Variants in RBFOX1 observed in about 807,000 individuals in gnomAD.
The protein encoded by RBFOX1 is RNA binding protein fox-1 homolog 1.
RBFOX1 carries 8 observed loss-of-function variants against 57.7 expected under a neutral mutation model. That is an observed-to-expected ratio of 0.14 (90% CI 0.08 to 0.25). RBFOX1 has a LOEUF of 0.25. Ranked by LOEUF, RBFOX1 falls within the 10% of genes least tolerant of loss-of-function variation. The pLI, the probability that RBFOX1 is intolerant of heterozygous loss-of-function variation, is 1.00. For synonymous variants in RBFOX1, 326 were observed against 222.4 expected (o/e 1.47, Z -4.15); for missense variants, 611 against 548.5 (o/e 1.11, Z -1.14).
intron 5 of RBFOX1, among the ~76,000 whole-genome samples, chr16:7,557,492 T>C (rs9925304): frequency 0.84 from 126,569 of 151,006 alleles, 54,267 homozygotes; most frequent in Non-Finnish European, 0.94. Flanking sequence ...TGGTGGTGGG[T>C]GCCTGTAATC....
intron 4 of RBFOX1, among the ~76,000 whole-genome samples, chr16:7,425,390 C>T (rs1199765263): frequency 6.6e-6 from 1 of 152,176 alleles, no homozygotes; most frequent in Non-Finnish European, 1.5e-5. Context: ...CTTCATTTTT[C>T]CCTCAACCGG....
intron 14 of RBFOX1, among the ~76,000 whole-genome samples, chr16:7,698,130 C>G (rs1053526525): frequency 3.3e-5 from 5 of 151,698 alleles, no homozygotes; most frequent in African/African-American, 1.2e-4. Flanking sequence ...TATGCTAGTC[C>G]CTGAAAACCC....
intron 3 of RBFOX1, among the ~76,000 whole-genome samples, chr16:5,709,841 ATATTTTTTTTTTTTTTTTTTTTTTTT>A (rs1194770859): frequency 3.9e-3 from 22 of 5,698 alleles, no homozygotes; most frequent in Admixed American, 0.012. Context: ...ATATATATAT[ATATTTTTTTTTTTTTTTTTTTTTTTT>A]TTTTTTTTTT....
At chr16:7,266,657 A>G (rs988212326) in intron 4 of RBFOX1, among the ~76,000 whole-genome samples, 7 of 152,180 alleles carry the variant, frequency 4.6e-5, no homozygotes, top group South Asian at 2.1e-4. Flanking sequence ...CTCCGTAACA[A>G]TGGTATACAA....
intron 3 of RBFOX1, among the ~76,000 whole-genome samples, chr16:5,784,920 C>G (rs973174321): frequency 6.6e-6 from 1 of 152,168 alleles, no homozygotes; most frequent in Non-Finnish European, 1.5e-5. Context: ...CAACAGATTT[C>G]TCTTGTTTAT....
intron 4 of RBFOX1, chr16:7,333,198 C>A: frequency 3.0e-6 from 3 of 990,064 alleles, no homozygotes; most frequent in South Asian, 1.3e-5. Context: ...AAAAAGCCCT[C>A]GCGTAGTCAG....
chr16:5,659,433 A>G (rs1021619923), intron 3 of RBFOX1, among the ~76,000 whole-genome samples: 5 of 150,876 alleles, frequency 3.3e-5, no homozygotes, highest in Non-Finnish European at 7.4e-5. Context: ...CCTCCTGAGT[A>G]GCTGGGACTA....
intron 4 of RBFOX1, among the ~76,000 whole-genome samples, chr16:7,179,562 G>C (rs1032852522): frequency 3.9e-5 from 6 of 151,914 alleles, no homozygotes; most frequent in African/African-American, 1.4e-4. Flanking sequence ...CATTTTGTCA[G>C]ACATTTTAAA....
intron 2 of RBFOX1, among the ~76,000 whole-genome samples, chr16:6,574,524 G>C (rs1378868181): frequency 6.7e-6 from 1 of 148,968 alleles, no homozygotes; most frequent in Non-Finnish European, 1.5e-5. Flanking sequence ...CGCTTCCAGG[G>C]TTCACGCCAT....
chr16:6,930,458 G>A (rs1567936352), intron 3 of RBFOX1, among the ~76,000 whole-genome samples: 2 of 152,138 alleles, frequency 1.3e-5, no homozygotes, highest in Non-Finnish European at 2.9e-5. Context: ...CACCCAGGCT[G>A]GAGCGCAGTG....
At chr16:6,909,590 G>T (rs769391283) in intron 3 of RBFOX1, among the ~76,000 whole-genome samples, 10 of 152,194 alleles carry the variant, frequency 6.6e-5, no homozygotes, top group Non-Finnish European at 1.2e-4. Context: ...ACCTAGAAGC[G>T]AGGGACATGT....
chr16:7,031,592 C>A lies in RBFOX1; in HGVS notation c.-15-20465C>A, dbSNP rs182525101. Among the ~76,000 whole-genome samples the A allele has an allele frequency of 3.8e-3, 556 of 147,196 alleles. 4 individuals are homozygous for A. The highest frequency in any genetic ancestry group is 0.013 in the African/African-American group (496 of 38,312). ...CTCCAGCCGAGGCAACAGAGTGAGA[C>A]CCTGCCTAAAAAAAAAAGAAAGAAA... On this transcript the variant is annotated intron_variant, in intron 3 of 15. Coordinates refer to ENST00000550418, the MANE Select transcript of RBFOX1 (RefSeq NM_018723.4).
At chr16:5,303,085 T>C (rs2063844282) in intron 1 of RBFOX1, among the ~76,000 whole-genome samples, 1 of 152,182 alleles carries the variant, frequency 6.6e-6, no homozygotes, top group Admixed American at 6.5e-5. Flanking sequence ...GGGTGTTGCT[T>C]TGGTTGATAA....
intron 3 of RBFOX1, among the ~76,000 whole-genome samples, chr16:6,842,156 AAATAAAT>A (rs2093505440): frequency 6.5e-5 from 5 of 76,910 alleles, no homozygotes; most frequent in South Asian, 3.2e-4. Context: ...AAAAAATAAA[AAATAAAT>A]AAATAAATAA....
At chr16:6,892,794 C>T (rs1398491534) in intron 3 of RBFOX1, among the ~76,000 whole-genome samples, 1 of 83,970 alleles carries the variant, frequency 1.2e-5, no homozygotes, top group Non-Finnish European at 2.8e-5. Flanking sequence ...CTCTCTCTCT[C>T]TCTCTCTCTC....
intron 11 of RBFOX1, among the ~76,000 whole-genome samples, chr16:7,631,633 G>A (rs1568189546): frequency 6.6e-6 from 1 of 152,194 alleles, no homozygotes; most frequent in Non-Finnish European, 1.5e-5. Context: ...CTGGGTGCCT[G>A]GAGTGGGGGT....
At chr16:5,798,983 C>T (rs2054970933) in intron 3 of RBFOX1, among the ~76,000 whole-genome samples, 1 of 152,148 alleles carries the variant, frequency 6.6e-6, no homozygotes, top group Non-Finnish European at 1.5e-5. Context: ...CAGATCCTTC[C>T]TCTGCAAAAG....
chr16:6,901,431 C>G (rs893258644), intron 3 of RBFOX1, among the ~76,000 whole-genome samples: 1 of 152,110 alleles, frequency 6.6e-6, no homozygotes, highest in Non-Finnish European at 1.5e-5. Flanking sequence ...AACACAGAGT[C>G]CAAGAGGTCA....
chr16:6,624,618 G>C (rs144934417), intron 2 of RBFOX1, among the ~76,000 whole-genome samples: 5 of 152,256 alleles, frequency 3.3e-5, no homozygotes, highest in Admixed American at 6.5e-5. Context: ...CCACAGTGCA[G>C]CTGTGTTTTA....
Sources: gnomAD v4.1 joint callset for allele counts (sites outside exome capture counted in the v4.1 genomes callset) on GRCh38, gnomAD v4.1.1 for gene constraint, MANE v1.5 for transcripts, NCBI Gene and HGNC (gene_info 2026-07-23, HGNC 2026-07-21) for gene names.